CAMTA1: variants seen among roughly 807,000 people sequenced by gnomAD.
CAMTA1 encodes the protein calmodulin binding transcription activator 1, also known as calmodulin-binding transcription activator 1.
Under a neutral mutation model 170.9 loss-of-function variants are expected in CAMTA1, and 27 were observed. That is an observed-to-expected ratio of 0.16 (90% CI 0.12 to 0.22). The LOEUF (loss-of-function observed/expected upper bound fraction) is 0.22. Among genes scored for constraint, CAMTA1 ranks in the 10% least tolerant of loss-of-function variants. CAMTA1 has a pLI of 1.00. For synonymous variants in CAMTA1, 833 were observed against 891.5 expected, an observed-to-expected ratio of 0.93 and a Z score of 1.17; for missense variants, 1,619 against 2,217.2, an observed-to-expected ratio of 0.73 and a Z score of 5.42.
At chr1:7,513,393 AAGC>A (rs2094230585) in intron 6 of CAMTA1, among the ~76,000 whole-genome samples, 1 of 152,146 alleles carries the variant, frequency 6.6e-6, no homozygotes, top group Non-Finnish European at 1.5e-5. Context: ...CAGCCATGCA[AAGC>A]AGCGTAGACT....
chr1:7,653,196 G>C (rs2095858609), intron 7 of CAMTA1, among the ~76,000 whole-genome samples: 1 of 152,216 alleles, frequency 6.6e-6, no homozygotes, highest in Non-Finnish European at 1.5e-5. Context: ...CTCCACAGGA[G>C]AGTGTCTGGC....
At chr1:7,678,521 C>G (rs2096147951) in intron 11 of CAMTA1, among the ~76,000 whole-genome samples, 1 of 152,108 alleles carries the variant, frequency 6.6e-6, no homozygotes, top group African/African-American at 2.4e-5. Context: ...AGGGGCTCTG[C>G]AGAGAAGAGC....
chr1:6,847,064 C>T (rs1170547683), intron 3 of CAMTA1, among the ~76,000 whole-genome samples: 9 of 149,122 alleles, frequency 6.0e-5, no homozygotes, highest in Non-Finnish European at 1.3e-4. Context: ...AGTGCAGTGG[C>T]GCCATCTTGG....
intron 5 of CAMTA1, among the ~76,000 whole-genome samples, chr1:7,257,082 C>G (rs61780030): frequency 0.49 from 65,775 of 133,784 alleles, 17,613 homozygotes; most frequent in Non-Finnish European, 0.59. Context: ...ATGGCGGGGG[C>G]GGGGGTTGGT....
At chr1:7,236,376 C>T (rs1663861765) in intron 4 of CAMTA1, among the ~76,000 whole-genome samples, 1 of 152,200 alleles carries the variant, frequency 6.6e-6, no homozygotes, top group Non-Finnish European at 1.5e-5. Context: ...CAATTTAAAT[C>T]AGGCTCAGCC....
At chr1:7,236,467 A>G (rs1047647720) in intron 4 of CAMTA1, among the ~76,000 whole-genome samples, 3 of 152,178 alleles carry the variant, frequency 2.0e-5, no homozygotes, top group Non-Finnish European at 4.4e-5. Context: ...TGACTGTAGA[A>G]GGGGAGGGGT....
intron 5 of CAMTA1, among the ~76,000 whole-genome samples, chr1:7,348,766 A>G (rs2084418364): frequency 1.3e-5 from 2 of 152,220 alleles, no homozygotes; most frequent in East Asian, 1.9e-4. Context: ...AGCAAATTTC[A>G]GGAATGCCAC....
At position 7,216,076 on chromosome 1, in the gene CAMTA1, G is replaced by A. The variant is rs772437278; in HGVS notation, c.303-33415G>A. On this transcript the variant is annotated intron_variant, in intron 4 of 22. Transcript: ENST00000303635. This position sits in a 1 kb window ranked among gnomAD's most constrained non-coding sequence, Gnocchi z 4.0. ...GCTTTACAGGAAGCATGGCTGGGGA[G>A]ACCTCAGGAAACTTACAATCATGGC... is the stretch of plus-strand genomic sequence containing the variant. Among the ~76,000 whole-genome samples the A allele has an allele frequency of 1.4e-4, 21 of 152,334 alleles. No homozygotes were observed. The highest frequency in any genetic ancestry group is 2.8e-4 in the Non-Finnish European group (19 of 68,024).
intron 10 of CAMTA1, among the ~76,000 whole-genome samples, chr1:7,671,830 T>C (rs751442753): frequency 6.6e-6 from 1 of 152,142 alleles, no homozygotes; most frequent in Non-Finnish European, 1.5e-5. Context: ...TCTCTGGCCA[T>C]CACTGCTTCC....
At chr1:6,915,432 C>A (rs1328863766) in intron 3 of CAMTA1, among the ~76,000 whole-genome samples, 1 of 152,122 alleles carries the variant, frequency 6.6e-6, no homozygotes, top group Non-Finnish European at 1.5e-5. Flanking sequence ...GGTTTTAATT[C>A]TTTTCCTGCC....
chr1:7,492,735 A>G (rs2093732325), intron 6 of CAMTA1, among the ~76,000 whole-genome samples: 1 of 84,530 alleles, frequency 1.2e-5, no homozygotes, highest in African/African-American at 7.5e-5. Context: ...AAACCTACAT[A>G]CACACACGCG....
At chr1:7,607,080 G>A (rs2095491542) in intron 6 of CAMTA1, among the ~76,000 whole-genome samples, 1 of 152,216 alleles carries the variant, frequency 6.6e-6, no homozygotes. Flanking sequence ...TGGATGGTTG[G>A]ATGGGTGGAT....
At chr1:7,104,513 A>G (rs1643386235) in intron 4 of CAMTA1, among the ~76,000 whole-genome samples, 1 of 152,114 alleles carries the variant, frequency 6.6e-6, no homozygotes, top group South Asian at 2.1e-4. Flanking sequence ...GAGTGTGGAG[A>G]GCCAGAGGAG....
intron 3 of CAMTA1, among the ~76,000 whole-genome samples, chr1:6,846,372 A>G (rs1658155160): frequency 6.6e-6 from 1 of 152,202 alleles, no homozygotes; most frequent in African/African-American, 2.4e-5. Flanking sequence ...ACGTGGAGCC[A>G]CTTTTCATTT....
chr1:7,669,038 C>G (rs551469724), intron 9 of CAMTA1, among the ~76,000 whole-genome samples: 11 of 152,280 alleles, frequency 7.2e-5, no homozygotes, highest in Admixed American at 2.0e-4. Flanking sequence ...TGCAAATATC[C>G]CTGGGCATCA....
rs183521758 is a variant in CAMTA1, at chr1:7,324,326, T to C, written c.438+74700T>C. Among the ~76,000 whole-genome samples, 20 of 152,348 alleles carry C rather than the reference T, an allele frequency of 1.3e-4. No individual in the cohort carries two copies. The East Asian group carries it at 2.7e-3, about 21-fold the overall frequency. The stretch of plus-strand genomic sequence containing the variant: ...ATTTGATCTCTCTCTTTCCATTGTT[T>C]TATTTTAAACATTTCATTTCCTTGT... On this transcript the variant is annotated intron_variant, in intron 5 of 22. Transcript: ENST00000303635.
chr1:7,276,289 A>AT (rs1393755906), intron 5 of CAMTA1, among the ~76,000 whole-genome samples: 2 of 53,512 alleles, frequency 3.7e-5, no homozygotes, highest in Non-Finnish European at 5.7e-5. Context: ...ATATATATAT[A>AT]TATATATATA....
chr1:7,685,058 G>A lies in CAMTA1; in HGVS notation c.2914+7325G>A, dbSNP rs895112187. 3.3e-5 allele frequency among the ~76,000 whole-genome samples: 5 copies of A among 151,914 alleles called. No homozygotes were observed. The highest frequency in any genetic ancestry group is 7.2e-5 in the African/African-American group (3 of 41,444). On this transcript the variant is annotated intron_variant, in intron 11 of 22. Transcript: ENST00000303635. This position sits in a 1 kb window ranked among gnomAD's most constrained non-coding sequence, Gnocchi z 5.7. ...ACAGGTGGCATGTTTTGAGGAGTTCGCAGGCACCGTCCCGTGGTCACAGGT... is the reference window on the plus strand; with the variant it reads ...ACAGGTGGCATGTTTTGAGGAGTTCACAGGCACCGTCCCGTGGTCACAGGT...
intron 3 of CAMTA1, among the ~76,000 whole-genome samples, chr1:6,926,433 CT>C (rs1557837427): frequency 2.4e-5 from 3 of 123,890 alleles, no homozygotes; most frequent in Non-Finnish European, 5.1e-5. Context: ...CTCTTTCTTT[CT>C]TTTCTCTTTC....
Sources: gnomAD v4.1 joint callset for allele counts (sites outside exome capture counted in the v4.1 genomes callset) on GRCh38, gnomAD v4.1.1 for gene constraint, Gnocchi (gnomAD v3.1) non-coding constraint, MANE v1.5 for transcripts, NCBI Gene and HGNC (gene_info 2026-07-23, HGNC 2026-07-21) for gene names.